The following LZTFL1 variants were observed in gnomAD, a reference collection of about 807,000 sequenced individuals.
LZTFL1 encodes leucine zipper transcription factor like 1, also known as leucine zipper transcription factor-like protein 1.
Under a neutral mutation model 45.9 loss-of-function variants are expected in LZTFL1, and 25 were observed. The observed-to-expected ratio is 0.54, with a 90% CI of 0.40 to 0.76. The LOEUF (loss-of-function observed/expected upper bound fraction) is 0.76, where lower values mean the gene tolerates loss of function less well. LZTFL1 is among the 30% of genes least tolerant of loss of function. The pLI, the probability that LZTFL1 is intolerant of heterozygous loss-of-function variation, is 0.00. For synonymous variants in LZTFL1, 93 were observed against 117.4 expected (o/e 0.79, Z 1.35); for missense variants, 277 against 331.1 (o/e 0.84, Z 1.27).
intron 2 of LZTFL1, among the ~76,000 whole-genome samples, chr3:45,896,080 T>C (rs1255147394): frequency 6.6e-6 from 1 of 152,212 alleles, no homozygotes; most frequent in Non-Finnish European, 1.5e-5. Context: ...TGCACCTATA[T>C]CCATAACAAC....
intron 2 of LZTFL1, among the ~76,000 whole-genome samples, chr3:45,907,654 G>A (rs1298693148): frequency 6.6e-6 from 1 of 152,204 alleles, no homozygotes; most frequent in Non-Finnish European, 1.5e-5. Flanking sequence ...AGATGACGTG[G>A]CAAAGTCCCA....
chr3:45,853,523 A>C (rs958233482), intron 4 of LZTFL1, among the ~76,000 whole-genome samples: 1 of 152,184 alleles, frequency 6.6e-6, no homozygotes, highest in Non-Finnish European at 1.5e-5. Context: ...CTAAGCTCTC[A>C]TCTTTTCCTC....
At chr3:45,840,563 G>A (rs147141055) in intron 1 of LZTFL1, among the ~76,000 whole-genome samples, 1 of 152,254 alleles carries the variant, frequency 6.6e-6, no homozygotes, top group East Asian at 1.9e-4. Context: ...AACAATGGGA[G>A]GTATCCAAGT....
upstream of LZTFL1, among the ~76,000 whole-genome samples, chr3:45,844,721 G>A (rs1701191017): frequency 6.6e-6 from 1 of 152,186 alleles, no homozygotes; most frequent in Admixed American, 6.5e-5. Context: ...CCAGATTACA[G>A]GGCTCTTTAC....
chr3:45,893,127 C>T (rs1393334335), intron 2 of LZTFL1, among the ~76,000 whole-genome samples: 1 of 152,000 alleles, frequency 6.6e-6, no homozygotes, highest in Non-Finnish European at 1.5e-5. Context: ...CTCCTGCCCT[C>T]CCACACTCCC....
intron 2 of LZTFL1, chr3:45,897,642 A>T (rs1167455741): frequency 1.3e-6 from 2 of 1,528,116 alleles, no homozygotes; most frequent in Non-Finnish European, 1.8e-6. Context: ...CCCAGGACTA[A>T]CACAGCTAAG....
chr3:45,852,842 A>T (rs992999609), intron 4 of LZTFL1, among the ~76,000 whole-genome samples: 1 of 152,218 alleles, frequency 6.6e-6, no homozygotes, highest in South Asian at 2.1e-4. Flanking sequence ...TGCTCACCCC[A>T]ATCAAGGCAC....
chr3:45,913,251 G>A, intron 1 of LZTFL1: 2 of 1,097,348 alleles, frequency 1.8e-6, no homozygotes, highest in Non-Finnish European at 1.3e-6. Context: ...GCTGCAATGA[G>A]CTGATCTTTC....
chr3:45,882,299 C>T (rs907995380), intron 2 of LZTFL1, among the ~76,000 whole-genome samples: 9 of 152,170 alleles, frequency 5.9e-5, no homozygotes, highest in Admixed American at 3.3e-4. Context: ...ACTCTTTTTA[C>T]CTGCACTGAT....
exon 1 of LZTFL1, chr3:45,915,490 C>T (rs1411035037): frequency 2.2e-6 from 1 of 456,242 alleles, no homozygotes; most frequent in Non-Finnish European, 4.4e-6. Context: ...TCAGAGTCGG[C>T]CTTGGGAGCA....
chr3:45,913,095 T>A (rs748636279), intron 2 of LZTFL1: 3 of 1,535,206 alleles, frequency 2.0e-6, no homozygotes, highest in Middle Eastern at 1.7e-4. Flanking sequence ...AGCAGTAATA[T>A]GTTCTGTAAA....
chr3:45,887,778 C>A (rs1175282654), intron 2 of LZTFL1, among the ~76,000 whole-genome samples: 3 of 152,236 alleles, frequency 2.0e-5, no homozygotes, highest in East Asian at 3.8e-4. Flanking sequence ...CCCTGTGCAG[C>A]CCCTGCTGGG....
chr3:45,904,177 T>A (rs1296112339), intron 2 of LZTFL1, among the ~76,000 whole-genome samples: 1 of 152,208 alleles, frequency 6.6e-6, no homozygotes, highest in Non-Finnish European at 1.5e-5. Context: ...ACAAATTTCT[T>A]GTGTGGGGTA....
intron 2 of LZTFL1, among the ~76,000 whole-genome samples, chr3:45,896,363 G>C (rs563262531): frequency 2.6e-5 from 4 of 152,200 alleles, no homozygotes; most frequent in Admixed American, 2.0e-4. Context: ...GGAGTCTGGC[G>C]CCATCTAAAT....
In LZTFL1 at chr3:45,866,139, G is replaced by A. The variant is rs150901894; in HGVS notation, c.-214-7123C>T. On this transcript the variant is annotated intron_variant, in intron 2 of 4. Coordinates refer to the LZTFL1 transcript ENST00000472635. ...GTTGAATGTGGCGAGGGGTGGTGGC[G>A]TGGTGGGAGGAAGGAAGAACAAATG... Among the ~76,000 whole-genome samples the A allele has an allele frequency of 2.0e-3, 297 of 152,264 alleles. 3 individuals are homozygous for A. Among genetic ancestry groups the A allele is most frequent in the African/African-American group, 6.2e-3 (258 of 41,564 alleles).
At chr3:45,913,611 G>T (rs1355149321) in intron 1 of LZTFL1, among the ~76,000 whole-genome samples, 4 of 152,138 alleles carry the variant, frequency 2.6e-5, no homozygotes, top group Non-Finnish European at 1.5e-5. Flanking sequence ...ATTTCTACTG[G>T]TGACAAAGTG....
intron 8 of LZTFL1, among the ~76,000 whole-genome samples, chr3:45,828,215 G>C (rs1189017331): frequency 1.3e-5 from 2 of 152,232 alleles, no homozygotes; most frequent in Non-Finnish European, 2.9e-5. Context: ...CTACACCATA[G>C]AGGGAGAGGA....
At chr3:45,832,377 A>T (rs1463076417) in intron 5 of LZTFL1, among the ~76,000 whole-genome samples, 1 of 152,214 alleles carries the variant, frequency 6.6e-6, no homozygotes. Context: ...GAAATGCTTC[A>T]ACATCAGAAA....
intron 2 of LZTFL1, among the ~76,000 whole-genome samples, chr3:45,866,529 G>A (rs1162923140): frequency 6.6e-6 from 1 of 152,190 alleles, no homozygotes; most frequent in African/African-American, 2.4e-5. Flanking sequence ...AAAAGCAATT[G>A]TGGGATAACT....
Sources: allele counts gnomAD v4.1 joint callset (sites outside exome capture counted in the v4.1 genomes callset), GRCh38; gene constraint gnomAD v4.1.1; transcripts MANE v1.5; gene names NCBI Gene and HGNC (gene_info 2026-07-23, HGNC 2026-07-21).